The following TOGARAM1 variants were observed in gnomAD, a reference collection of about 807,000 sequenced individuals.
TOGARAM1 encodes TOG array regulator of axonemal microtubules protein 1.
TOGARAM1 carries 100 observed loss-of-function variants against 166.6 expected under a neutral mutation model. That is an observed-to-expected ratio of 0.60 (90% CI 0.51 to 0.71). The LOEUF is 0.71. TOGARAM1 is among the 30% of genes least tolerant of loss of function. The pLI is 0.00. For missense variants in TOGARAM1, 2,029 were observed against 2,102.7 expected (o/e 0.96, Z 0.69); for synonymous variants, 758 against 763.8 (o/e 0.99, Z 0.13).
Position 45,036,922 on chromosome 14 carries a change from G to A in TOGARAM1, c.3812+4546G>A, listed in dbSNP as rs550799189. 1.6e-4 allele frequency among the ~76,000 whole-genome samples: 25 copies of A among 152,280 alleles called. No homozygotes were observed. In the South Asian group the frequency reaches 2.3e-3, roughly 14 times the overall value. ...ACTGGGGAGGCCTCAGAATCATGGCGGGAGACAAAAGGCACTTCTTATATG... is the reference window on the plus strand; with the variant it reads ...ACTGGGGAGGCCTCAGAATCATGGCAGGAGACAAAAGGCACTTCTTATATG... On this transcript the variant is annotated intron_variant, in intron 11 of 19. Transcript: ENST00000361462.
chr14:45,028,364 C>G (rs1168616489), intron 10 of TOGARAM1, 35 bp downstream of exon 10: 1 of 1,547,958 alleles, frequency 6.5e-7, no homozygotes, highest in South Asian at 1.2e-5. Context: ...TTTTTTTTTT[C>G]TAGTAATTGT....
intron 8 of TOGARAM1, among the ~76,000 whole-genome samples, chr14:45,026,868 C>A (rs1880876978): frequency 6.6e-6 from 1 of 151,712 alleles, no homozygotes; most frequent in South Asian, 2.1e-4. Flanking sequence ...ATTGGGCAGG[C>A]CTGGTGCTGT....
intron 1 of TOGARAM1, among the ~76,000 whole-genome samples, chr14:44,967,753 A>G (rs1309083451): frequency 6.6e-6 from 1 of 152,200 alleles, no homozygotes; most frequent in African/African-American, 2.4e-5. Context: ...TCTTGCAAAT[A>G]ATGAGTTTGA....
intron 13 of TOGARAM1, among the ~76,000 whole-genome samples, chr14:45,045,973 C>T (rs976499828): frequency 3.3e-5 from 5 of 151,690 alleles, no homozygotes; most frequent in Non-Finnish European, 7.4e-5. Context: ...ATTGTAATAA[C>T]GTTACCCTAT....
chr14:44,981,830 T>G (rs1427955967), intron 1 of TOGARAM1, among the ~76,000 whole-genome samples: 2 of 144,428 alleles, frequency 1.4e-5, no homozygotes. Flanking sequence ...AAGCTTCCCC[T>G]TTTTCACTTA....
chr14:44,995,930 T>C, intron 2 of TOGARAM1, 28 bp downstream of exon 2: 2 of 1,571,196 alleles, frequency 1.3e-6, no homozygotes, highest in South Asian at 1.2e-5. Context: ...ATGATGGTCA[T>C]GTTGAACTAA....
chr14:45,063,678 C>T (rs369370716), intron 16 of TOGARAM1, among the ~76,000 whole-genome samples: 3 of 152,082 alleles, frequency 2.0e-5, no homozygotes, highest in Admixed American at 2.0e-4. Context: ...CAGGGTTTCA[C>T]GATGTTGGCC....
intron 10 of TOGARAM1, among the ~76,000 whole-genome samples, chr14:45,030,800 G>T (rs1881114046): frequency 6.6e-6 from 1 of 152,076 alleles, no homozygotes. Context: ...TAAGATCACA[G>T]GTAATGGTGG....
intron 7 of TOGARAM1, among the ~76,000 whole-genome samples, chr14:45,016,353 G>T (rs559159043): frequency 3.9e-5 from 6 of 152,300 alleles, no homozygotes; most frequent in Middle Eastern, 3.4e-3. Flanking sequence ...CTGGGATCAT[G>T]CCACTGCACT....
At chr14:45,057,746 T>C in intron 16 of TOGARAM1, among the ~76,000 whole-genome samples, 1 of 152,228 alleles carries the variant, frequency 6.6e-6, no homozygotes, top group Non-Finnish European at 1.5e-5. Flanking sequence ...ATTTGTATAG[T>C]TCCTAAATTT....
At position 44,992,072 on chromosome 14, in the gene TOGARAM1, T is replaced by TAAA. The variant is rs71108676; in HGVS notation, c.2047-3647_2047-3645dup. Among the ~76,000 whole-genome samples, 23 of 37,960 alleles carry TAAA rather than the reference T, an allele frequency of 6.1e-4. 3 individuals carry two copies. Among genetic ancestry groups the TAAA allele is most frequent in the South Asian group, 2.0e-3 (1 of 498 alleles). 24.9% of individuals were successfully genotyped at this position (37,960 alleles called of 152,430 possible). A position where few individuals can be genotyped will look rare whatever the true frequency, so the allele number is the denominator to read the frequency against. Reference sequence around the variant, plus strand: ...GAGAACATAGTGAGACCCTGTCTGTTAAAAAAAAAAAAAAAAAAAAAAAAA... The same window carrying TAAA: ...GAGAACATAGTGAGACCCTGTCTGTTAAAAAAAAAAAAAAAAAAAAAAAAAAAA... On this transcript the variant is annotated intron_variant, in intron 1 of 19. Coordinates refer to ENST00000361462, the MANE Select transcript of TOGARAM1 (RefSeq NM_001308120.2).
chr14:45,063,486 T>G lies in TOGARAM1; in HGVS notation c.4560-3092T>G, dbSNP rs113405431. ...AGTATCTCATTTGACAAAGTTTTTTTTTTTTTTTTTTTTTTGGAGACAGAG... is the reference window on the plus strand; with the variant it reads ...AGTATCTCATTTGACAAAGTTTTTTGTTTTTTTTTTTTTTTGGAGACAGAG... On this transcript the variant is annotated intron_variant, in intron 16 of 19. Coordinates refer to ENST00000361462, the MANE Select transcript of TOGARAM1 (RefSeq NM_001308120.2). 1.5e-3 allele frequency among the ~76,000 whole-genome samples: 217 copies of G among 147,742 alleles called. 1 individual carries two copies. Among genetic ancestry groups the G allele is most frequent in the Non-Finnish European group, 2.3e-3 (154 of 67,090 alleles).
intron 7 of TOGARAM1, among the ~76,000 whole-genome samples, chr14:45,014,186 C>T (rs1220018363): frequency 6.6e-6 from 1 of 151,912 alleles, no homozygotes; most frequent in Non-Finnish European, 1.5e-5. Context: ...GCTGGGACTA[C>T]AGGCGCCTGC....
Position 45,046,688 on chromosome 14 carries a change from G to A in TOGARAM1, c.4298G>A (p.Ser1433Asn), listed in dbSNP as rs1260557518. 8 of 1,290,600 alleles carry A rather than the reference G, an allele frequency of 6.2e-6. No individual in the cohort carries two copies. Among genetic ancestry groups the A allele is most frequent in the African/African-American group, 3.0e-5 (2 of 65,732 alleles). 79.9% of individuals were successfully genotyped at this position (1,290,600 alleles called of 1,614,324 possible). The change falls in exon 14 of 20, where the codon AGT becomes AAT. Residue 1433 changes from serine to asparagine, a missense_variant. Transcript: ENST00000361462. ...LPAAAKFAQD[S>N]SQETRYYGRK... ...GCTGCTGCTAAGTTTGCTCAAGACA[G>A]TTCACAAGAAACCAGGTGAATATCT... is the stretch of plus-strand genomic sequence containing the variant.
At chr14:45,046,125 A>T (rs1882054350) in intron 13 of TOGARAM1, among the ~76,000 whole-genome samples, 3 of 149,710 alleles carry the variant, frequency 2.0e-5, no homozygotes, top group Admixed American at 1.3e-4. Context: ...AGGAGCTGTT[A>T]AATCATTTAA....
chr14:45,054,606 A>G, intron 16 of TOGARAM1, 57 bp downstream of exon 16: 1 of 1,248,598 alleles, frequency 8.0e-7, no homozygotes, highest in Non-Finnish European at 1.1e-6. Context: ...TAGTAGTCTC[A>G]TTTGGATGTT....
chr14:45,050,505 G>T (rs1041320574), intron 14 of TOGARAM1, among the ~76,000 whole-genome samples: 1 of 151,902 alleles, frequency 6.6e-6, no homozygotes, highest in Non-Finnish European at 1.5e-5. Context: ...CACCTACCTT[G>T]TCCTCTCAAA....
At chr14:44,997,762 A>G (rs1436858386) in intron 2 of TOGARAM1, among the ~76,000 whole-genome samples, 3 of 151,898 alleles carry the variant, frequency 2.0e-5, no homozygotes, top group Non-Finnish European at 2.9e-5. Flanking sequence ...AGATCACACC[A>G]CTACACTCCA....
intron 11 of TOGARAM1, among the ~76,000 whole-genome samples, chr14:45,039,365 A>T (rs1881604882): frequency 6.6e-6 from 1 of 151,822 alleles, no homozygotes; most frequent in African/African-American, 2.4e-5. Flanking sequence ...CTAGCAGCCC[A>T]CTCCCACAAG....
Sources: gnomAD v4.1 joint callset for allele counts (sites outside exome capture counted in the v4.1 genomes callset) on GRCh38, gnomAD v4.1.1 for gene constraint, MANE v1.5 for transcripts, NCBI Gene and HGNC (gene_info 2026-07-23, HGNC 2026-07-21) for gene names.